Variants in SEMA6C observed in about 807,000 individuals in gnomAD.
SEMA6C encodes semaphorin-6C.
A neutral mutation model predicts 72.9 loss-of-function variants in SEMA6C; 37 were observed. The ratio of observed to expected loss-of-function variants is 0.51; its 90% CI spans 0.39 to 0.67. The LOEUF is 0.67. Ranked by LOEUF, SEMA6C falls within the 30% of genes least tolerant of loss-of-function variation. SEMA6C has a pLI of 0.00. For synonymous variants in SEMA6C, 578 were observed against 554.1 expected (o/e 1.04, Z -0.61); for missense variants, 1,189 against 1,263.6 (o/e 0.94, Z 0.89).
In SEMA6C at chr1:151,142,567, G is replaced by T. The variant is rs1203253707; in HGVS notation, c.55C>A (p.Leu19Ile). 2 of 1,610,574 alleles carry T rather than the reference G, an allele frequency of 1.2e-6. No individual in the cohort carries two copies. The highest frequency in any genetic ancestry group is 1.1e-5 in the South Asian group (1 of 90,468). ...GGAAAGGCGGCCTGAGTATGGGGAAGTGAGAGCAGCAGCAGCAGTAGCAGC... is the reference window on the plus strand; with the variant it reads ...GGAAAGGCGGCCTGAGTATGGGGAATTGAGAGCAGCAGCAGCAGTAGCAGC... The part of the protein sequence containing the change: ...PLLLLLLLLS[L>I]PHTQAAFPQD... The change falls in exon 3 of 19, where the codon CTT becomes ATT. Residue 19 changes from leucine to isoleucine, a missense_variant. Coordinates refer to ENST00000368914, the MANE Select transcript of SEMA6C (RefSeq NM_030913.6).
At chr1:151,140,720 A>C (rs754839804) in intron 3 of SEMA6C, among the ~76,000 whole-genome samples, 17 of 152,278 alleles carry the variant, frequency 1.1e-4, no homozygotes, top group Admixed American at 6.5e-4. Context: ...CTCAGCTGGG[A>C]GCGGTGGCTC....
Position 151,131,977 on chromosome 1 carries a change from T to A in SEMA6C, c.*507A>T, listed in dbSNP as rs1331206525. ...TACCCGGGAGAGCCCAGGGCCCAGATGAAGGCAGAGAGCGAGGGCGCCCAG... is the reference window on the plus strand; with the variant it reads ...TACCCGGGAGAGCCCAGGGCCCAGAAGAAGGCAGAGAGCGAGGGCGCCCAG... On this transcript the variant is annotated 3_prime_UTR_variant, in exon 19 of 19. Transcript: ENST00000368914. 1 of 288,838 alleles carries A rather than the reference T, an allele frequency of 3.5e-6. No homozygotes were observed. The highest frequency in any genetic ancestry group is 4.9e-5 in the Admixed American group (1 of 20,210). 17.9% of individuals were successfully genotyped at this position (288,838 alleles called of 1,614,324 possible). A position where few individuals can be genotyped will look rare whatever the true frequency, so the allele number is the denominator to read the frequency against.
chr1:151,140,189 G>T, intron 3 of SEMA6C, 99 bp from the exon 4 acceptor site: 1 of 937,224 alleles, frequency 1.1e-6, no homozygotes, highest in South Asian at 1.4e-5. Flanking sequence ...GTGGATGTGT[G>T]AGGTTAGAGT....
At chr1:151,138,986 G>A (rs1450188136) in intron 6 of SEMA6C, among the ~76,000 whole-genome samples, 1 of 151,974 alleles carries the variant, frequency 6.6e-6, no homozygotes, top group Non-Finnish European at 1.5e-5. Context: ...CCAGCTACTT[G>A]GGAGGCTGAG....
At position 151,145,101 on chromosome 1, in the gene SEMA6C, T is replaced by G. The variant is rs1326396619; in HGVS notation, c.-104-667A>C. 6.6e-6 allele frequency: 1 copy of G among 152,254 alleles called. No individual in the cohort carries two copies. The highest frequency in any genetic ancestry group is 2.4e-5 in the African/African-American group (1 of 41,422). 9.4% of individuals were successfully genotyped at this position (152,254 alleles called of 1,614,324 possible). On this transcript the variant is annotated intron_variant, in intron 1 of 18. Transcript: ENST00000368914. This position sits in a 1 kb window ranked among gnomAD's most constrained non-coding sequence, Gnocchi z 4.4. ...CTCAACTCCTGGCCTGGAGAAAAGA[T>G]CACTCTGCCCTGGAAGAATCCGAGC...
At chr1:151,135,020 G>A (rs12090246) in intron 15 of SEMA6C, 143 bp downstream of exon 15, 98,057 of 1,365,968 alleles carry the variant, frequency 0.072, 4,081 homozygotes, top group African/African-American at 0.15. Context: ...CCTGGTTGCT[G>A]CCCACCTTCA....
In SEMA6C at chr1:151,134,680, G is replaced by A. The variant is rs370683305; in HGVS notation, c.1659-5C>T. ...CCAGCCTGATCCACATCAGTCCTAG[G>A]AGGAAAACGAAGTGGCTATAGAATT... On this transcript the variant is annotated splice_polypyrimidine_tract_variant and splice_region_variant and intron_variant, in intron 16 of 18. Transcript: ENST00000368914. 202 of 1,613,996 alleles carry A rather than the reference G, an allele frequency of 1.3e-4. No individual in the cohort carries two copies. Among genetic ancestry groups the A allele is most frequent in the South Asian group, 5.5e-4 (50 of 91,094 alleles).
chr1:151,132,797 C>T lies in SEMA6C; in HGVS notation c.2480G>A (p.Arg827Lys). ...GGGCCGGGCGGGGGCAGAGGCGCAC[C>T]TGCCCTCGGGGGGCACGTCCAGCCT... ...PLRLDVPPEG[R>K]CASAPARPAL... The change falls in exon 19 of 19, where the codon AGG (arginine) becomes AAG (lysine). Residue 827 changes from arginine (R) to lysine (K), a missense_variant. Coordinates refer to ENST00000368914, the MANE Select transcript of SEMA6C (RefSeq NM_030913.6). 2 of 1,345,486 alleles carry T rather than the reference C, an allele frequency of 1.5e-6. No homozygotes were observed. The highest frequency in any genetic ancestry group is 3.1e-5 in the East Asian group (1 of 31,912). 83.3% of individuals were successfully genotyped at this position (1,345,486 alleles called of 1,614,324 possible).
In SEMA6C at chr1:151,140,181, G is replaced by A. The variant is rs1278900808; in HGVS notation, c.119-91C>T. 3.0e-6 allele frequency: 3 copies of A among 998,528 alleles called. No individual in the cohort carries two copies. In the African/African-American group the frequency reaches 4.8e-5, roughly 16 times the overall value. 61.9% of individuals were successfully genotyped at this position (998,528 alleles called of 1,614,324 possible). A position where few individuals can be genotyped will look rare whatever the true frequency, so the allele number is the denominator to read the frequency against. ...GATGAAACCCAGCAGTGGACACAGTGGATGTGTGAGGTTAGAGTGCCCAAA... is the reference window on the plus strand; with the variant it reads ...GATGAAACCCAGCAGTGGACACAGTAGATGTGTGAGGTTAGAGTGCCCAAA... On this transcript the variant is annotated intron_variant, in intron 3 of 18. Transcript: ENST00000368914.
chr1:151,133,461 G>A lies in SEMA6C; in HGVS notation c.1816C>T (p.Leu606Phe). The A allele has an allele frequency of 1.3e-6, 2 of 1,558,716 alleles. No individual in the cohort carries two copies. The highest frequency in any genetic ancestry group is 1.7e-6 in the Non-Finnish European group (2 of 1,157,518). The change falls in exon 19 of 19, where the codon CTC becomes TTC. Residue 606 changes from leucine (L) to phenylalanine (F), a missense_variant. Physicochemically the swap from Leu to Phe is conservative, Grantham distance 22. Transcript: ENST00000368914. The surrounding 1 kb of genome is among the most constrained non-coding windows in gnomAD (Gnocchi z 5.9). ...SASRSVPIPL[L>F]LASVAAAFAL... is the part of the protein sequence containing the mutation. ...AAAGCTGCGGCCACACTGGCCAGGA[G>A]GAGTGGGATGGGGACGGAGCGGGAG... is the stretch of plus-strand genomic sequence containing the variant.
chr1:151,142,202 A>C, intron 3 of SEMA6C, among the ~76,000 whole-genome samples: 1 of 150,816 alleles, frequency 6.6e-6, no homozygotes, highest in Non-Finnish European at 1.5e-5. Context: ...ATGTCCGGCT[A>C]TTTTTTTTTG....
At chr1:151,137,149 T>C (rs1411678063) in intron 10 of SEMA6C, 75 bp from the exon 11 acceptor site, 3 of 1,389,882 alleles carry the variant, frequency 2.2e-6, no homozygotes, top group Non-Finnish European at 3.0e-6. Context: ...GTGTGGTGAG[T>C]TAAGAGCAGT....
At chr1:151,140,983 G>A (rs1237902952) in intron 3 of SEMA6C, among the ~76,000 whole-genome samples, 1 of 138,746 alleles carries the variant, frequency 7.2e-6, no homozygotes, top group African/African-American at 2.7e-5. Flanking sequence ...GGGCAACAGT[G>A]CAAGACTCCG....
rs1176131647 is a variant in SEMA6C at position 151,146,062 on chromosome 1, AG to A, written c.-105+370del. ...CCCTTCAGGGGCGTCAGGAGGGTCT[AG>A]TTCTCCGTGGGTCTCGGAGCCCTAG... On this transcript the variant is annotated intron_variant, in intron 1 of 18. Coordinates refer to ENST00000368914, the MANE Select transcript of SEMA6C (RefSeq NM_030913.6). This position sits in a 1 kb window ranked among gnomAD's most constrained non-coding sequence, Gnocchi z 4.6. 6.6e-6 allele frequency: 1 copy of A among 152,120 alleles called. No individual in the cohort carries two copies. The highest frequency in any genetic ancestry group is 2.4e-5 in the African/African-American group (1 of 41,408). 9.4% of individuals were successfully genotyped at this position (152,120 alleles called of 1,614,324 possible).
chr1:151,144,506 T>C (rs1014433445), intron 1 of SEMA6C, 72 bp from the exon 2 acceptor site: 2 of 152,566 alleles, frequency 1.3e-5, no homozygotes, highest in African/African-American at 4.8e-5. Flanking sequence ...TACAAGTAAA[T>C]GTAAAAATTC....
Position 151,142,675 on chromosome 1 carries a change from C to G in SEMA6C, c.-54G>C. The stretch of plus-strand genomic sequence containing the variant: ...GGTGCCCCCTCACCCATAAGCCGGC[C>G]CTGAAAGGGGAGACAGGGAAAAGTG... On this transcript the variant is annotated splice_region_variant and 5_prime_UTR_variant, in exon 3 of 19. Coordinates refer to ENST00000368914, the MANE Select transcript of SEMA6C (RefSeq NM_030913.6). 6.9e-7 allele frequency: 1 copy of G among 1,449,926 alleles called. No homozygotes were observed. Among genetic ancestry groups the G allele is most frequent in the African/African-American group, 1.4e-5 (1 of 69,522 alleles). 89.8% of individuals were successfully genotyped at this position (1,449,926 alleles called of 1,614,324 possible).
chr1:151,139,699 TC>T lies in SEMA6C; in HGVS notation c.235del (p.Asp79IlefsTer23). On this transcript the variant is annotated frameshift_variant and splice_region_variant, in exon 5 of 19. Coordinates refer to ENST00000368914, the MANE Select transcript of SEMA6C (RefSeq NM_030913.6). LOFTEE classifies it high-confidence loss of function. Reference protein sequence around the residue: ...LNRTLLVAARDHVFSFDLQAE... With the variant: ...LNRTLLVAARXHVFSFDLQAE... ...TTGAAGATCGAAGGAGAAAACGTGA[TC>T]CCTGAGGGGGTAGGTAAGGAGGGGT... The T allele has an allele frequency of 6.2e-7, 1 of 1,601,110 alleles. No homozygotes were observed.
In SEMA6C at chr1:151,132,593, C is replaced by T. The variant is rs980121200; in HGVS notation, c.2684G>A (p.Arg895His). The T allele has an allele frequency of 6.4e-7, 1 of 1,551,446 alleles. No homozygotes were observed. The highest frequency in any genetic ancestry group is 1.4e-5 in the African/African-American group (1 of 73,240). Residue 895 changes from arginine (R) to histidine (H), a missense_variant, in exon 19 of 19, where the codon CGC becomes CAC. Physicochemically the swap from Arg to His is conservative, Grantham distance 29. Around this residue, in one of 2 missense-constraint regions of SEMA6C, gnomAD observed 721 missense variants for 686.2 expected, o/e 1.05. Transcript: ENST00000368914. Reference sequence around the variant, plus strand: ...CTCGACGTCCACCCTTTTCAGGGCGCGGCCCCGGTAGCCCTCGGGCCGGCC... The same window carrying T: ...CTCGACGTCCACCCTTTTCAGGGCGTGGCCCCGGTAGCCCTCGGGCCGGCC... ...YLGRPEGYRG[R>H]ALKRVDVEKP...
intron 5 of SEMA6C, 61 bp from the exon 6 acceptor site, chr1:151,139,542 G>T: frequency 6.3e-7 from 1 of 1,599,804 alleles, no homozygotes; most frequent in Non-Finnish European, 8.6e-7. Flanking sequence ...TCACATTATG[G>T]CTCCTTTTAG....
Sources: gnomAD v4.1 joint callset for allele counts (sites outside exome capture counted in the v4.1 genomes callset) on GRCh38, gnomAD v4.1.1 for gene constraint, gnomAD v4.1.1 regional missense constraint, Gnocchi (gnomAD v3.1) non-coding constraint, MANE v1.5 for transcripts, NCBI Gene and HGNC (gene_info 2026-07-23, HGNC 2026-07-21) for gene names.